CAMK1D: variants seen among roughly 807,000 people sequenced by gnomAD.
The protein encoded by CAMK1D is calcium/calmodulin dependent protein kinase ID.
A neutral mutation model predicts 47.7 loss-of-function variants in CAMK1D; 9 were observed. The observed-to-expected ratio is 0.19, with a 90% confidence interval of 0.11 to 0.33. CAMK1D has a LOEUF of 0.33. Ranked by LOEUF, CAMK1D falls within the 10% of genes least tolerant of loss-of-function variation. CAMK1D has a pLI of 1.00. For missense variants in CAMK1D, 291 were observed against 488.7 expected, an observed-to-expected ratio of 0.60 and a Z score of 3.81; for synonymous variants, 184 against 184.9, an observed-to-expected ratio of 0.99 and a Z score of 0.04.
At chr10:12,527,274 C>T (rs1835655123) in intron 1 of CAMK1D, among the ~76,000 whole-genome samples, 1 of 151,462 alleles carries the variant, frequency 6.6e-6, no homozygotes, top group South Asian at 2.1e-4. Context: ...TGTCTCAGTC[C>T]TCTGGCCAGA....
chr10:12,427,748 C>T (rs1016344534), intron 1 of CAMK1D, among the ~76,000 whole-genome samples: 1 of 75,970 alleles, frequency 1.3e-5, no homozygotes, highest in Non-Finnish European at 2.5e-5. Context: ...TGCTCTTTTG[C>T]CCAGGCTGGA....
chr10:12,785,273 T>A (rs2482049), intron 5 of CAMK1D, among the ~76,000 whole-genome samples: 2 of 152,298 alleles, frequency 1.3e-5, no homozygotes, highest in South Asian at 4.1e-4. Context: ...TTCTGTTGTG[T>A]CTGGGCCAGG....
At chr10:12,674,472 A>G (rs1167084007) in intron 3 of CAMK1D, among the ~76,000 whole-genome samples, 1 of 151,646 alleles carries the variant, frequency 6.6e-6, no homozygotes, top group African/African-American at 2.4e-5. Flanking sequence ...CCTTAATATT[A>G]TTACCTGTCT....
chr10:12,786,862 C>G (rs969626859), intron 5 of CAMK1D, among the ~76,000 whole-genome samples: 1 of 152,234 alleles, frequency 6.6e-6, no homozygotes, highest in Non-Finnish European at 1.5e-5. Context: ...GTGGCTCACG[C>G]CTGTAATCCC....
intron 2 of CAMK1D, among the ~76,000 whole-genome samples, chr10:12,655,691 G>T (rs1024107068): frequency 6.6e-6 from 1 of 152,190 alleles, no homozygotes; most frequent in Non-Finnish European, 1.5e-5. Flanking sequence ...TCGAAAGACC[G>T]CCAGGCCTCA....
intron 1 of CAMK1D, among the ~76,000 whole-genome samples, chr10:12,375,747 G>A (rs1395594605): frequency 6.6e-6 from 1 of 152,146 alleles, no homozygotes; most frequent in African/African-American, 2.4e-5. Context: ...AACACGGCTT[G>A]TTGTAGTCTT....
At chr10:12,601,181 T>TTTG (rs200671331) in intron 2 of CAMK1D, among the ~76,000 whole-genome samples, 7 of 26,634 alleles carry the variant, frequency 2.6e-4, no homozygotes, top group South Asian at 1.1e-3. Context: ...AGTTTTTTTT[T>TTTG]TTTGTTTGTT....
intron 1 of CAMK1D, among the ~76,000 whole-genome samples, chr10:12,463,130 GT>G (rs34084682): frequency 0.044 from 6,140 of 141,128 alleles, 407 homozygotes; most frequent in East Asian, 0.34. Context: ...AGCTCTAAGA[GT>G]TTTTTTTTTT....
chr10:12,615,932 G>A (rs968329689), intron 2 of CAMK1D, among the ~76,000 whole-genome samples: 4 of 151,702 alleles, frequency 2.6e-5, no homozygotes, highest in African/African-American at 9.7e-5. Context: ...GTGTATGTGT[G>A]TTTGCAAGTG....
intron 3 of CAMK1D, among the ~76,000 whole-genome samples, chr10:12,711,123 T>C (rs1219217467): frequency 6.6e-6 from 1 of 152,210 alleles, no homozygotes; most frequent in East Asian, 1.9e-4. Context: ...AATCAAGTCT[T>C]CTGGCCCTGT....
rs554101674 is a variant in CAMK1D at position 12,352,885 on chromosome 10, C to T, written c.92+2975C>T. Among the ~76,000 whole-genome samples, 9 of 151,888 alleles carry T rather than the reference C, an allele frequency of 5.9e-5. No individual in the cohort carries two copies. The East Asian group carries it at 7.9e-4, about 13-fold the overall frequency. On this transcript the variant is annotated intron_variant, in intron 1 of 10. Coordinates refer to ENST00000619168, the MANE Select transcript of CAMK1D (RefSeq NM_153498.4). Reference sequence around the variant, plus strand: ...CCGAGTAACTGGGACTACAGACGCCCGCCGCCATGCCTGGCTAATTTTTTT... The same window carrying T: ...CCGAGTAACTGGGACTACAGACGCCTGCCGCCATGCCTGGCTAATTTTTTT...
At position 12,387,409 on chromosome 10, in the gene CAMK1D, A is replaced by ATATATATTTTATATATTT. The variant is rs1207416018; in HGVS notation, c.92+37508_92+37525dup. On this transcript the variant is annotated intron_variant, in intron 1 of 10. Coordinates refer to ENST00000619168, the MANE Select transcript of CAMK1D (RefSeq NM_153498.4). ...TATATATTATATATTTTTATATATT[A>ATATATATTTTATATATTT]TATATATTTTATATATTTTATATAT... is the stretch of plus-strand genomic sequence containing the variant. Among the ~76,000 whole-genome samples, 16 of 38,008 alleles carry ATATATATTTTATATATTT rather than the reference A, an allele frequency of 4.2e-4. 1 individual carries two copies. Among genetic ancestry groups the ATATATATTTTATATATTT allele is most frequent in the African/African-American group, 6.0e-4 (12 of 20,028 alleles). 24.9% of individuals were successfully genotyped at this position (38,008 alleles called of 152,430 possible).
At chr10:12,368,811 C>CTTTATTTA (rs568287191) in intron 1 of CAMK1D, among the ~76,000 whole-genome samples, 2 of 150,920 alleles carry the variant, frequency 1.3e-5, no homozygotes, top group African/African-American at 4.9e-5. Flanking sequence ...AGGACGTTGA[C>CTTTATTTA]TTTATTTATT....
In CAMK1D at chr10:12,462,758, C is replaced by T. The variant is rs561663942; in HGVS notation, c.93-90467C>T. Among the ~76,000 whole-genome samples the T allele has an allele frequency of 3.3e-5, 5 of 152,232 alleles. No homozygotes were observed. In the South Asian group the frequency reaches 1.0e-3, roughly 32 times the overall value. On this transcript the variant is annotated intron_variant, in intron 1 of 10. Transcript: ENST00000619168. ...CCAGGCTGGAGTGCAGTGGCACGGT[C>T]ATAGCCCACTGCAGCCTTGACCTCC...
At chr10:12,695,961 C>A (rs1013403802) in intron 3 of CAMK1D, among the ~76,000 whole-genome samples, 3 of 151,930 alleles carry the variant, frequency 2.0e-5, no homozygotes, top group Non-Finnish European at 4.4e-5. Context: ...GCCTGTAGTC[C>A]CAGCTACTTG....
rs191853777 is a variant in CAMK1D at position 12,624,965 on chromosome 10, C to A, written c.225-41771C>A. Among the ~76,000 whole-genome samples the A allele has an allele frequency of 8.6e-5, 13 of 151,326 alleles. No homozygotes were observed. In the East Asian group the frequency reaches 2.6e-3, roughly 30 times the overall value. On this transcript the variant is annotated intron_variant, in intron 2 of 10. Transcript: ENST00000619168. Reference sequence around the variant, plus strand: ...GCCCCATTTCTTTCTTCCCCCTTCTCCTTCTCTTCCTCCTTCTCCTTCCTC... The same window carrying A: ...GCCCCATTTCTTTCTTCCCCCTTCTACTTCTCTTCCTCCTTCTCCTTCCTC...
intron 6 of CAMK1D, among the ~76,000 whole-genome samples, chr10:12,797,196 C>CTTT (rs66641899): frequency 0.025 from 3,432 of 137,496 alleles, 70 homozygotes; most frequent in African/African-American, 0.053. Context: ...TGACCAGTTC[C>CTTT]TTTTTTTTTT....
chr10:12,659,630 A>G (rs1240077796), intron 2 of CAMK1D, among the ~76,000 whole-genome samples: 3 of 151,758 alleles, frequency 2.0e-5, no homozygotes, highest in Non-Finnish European at 4.4e-5. Context: ...GACCCTAGTA[A>G]GGAGGAAATG....
chr10:12,478,939 T>C (rs1426656229), intron 1 of CAMK1D, among the ~76,000 whole-genome samples: 1 of 152,244 alleles, frequency 6.6e-6, no homozygotes, highest in East Asian at 1.9e-4. Flanking sequence ...TTTAGGGCCC[T>C]CTACCAAGTG....
Sources: gnomAD v4.1 joint callset for allele counts (sites outside exome capture counted in the v4.1 genomes callset) on GRCh38, gnomAD v4.1.1 for gene constraint, MANE v1.5 for transcripts, NCBI Gene and HGNC (gene_info 2026-07-23, HGNC 2026-07-21) for gene names.